Variants in KYNU observed in about 807,000 individuals in gnomAD.
KYNU encodes the protein kynureninase, also known as L-kynurenine hydrolase.
In KYNU, 54 loss-of-function variants were observed where a neutral mutation model predicts 59.2. The ratio of observed to expected loss-of-function variants is 0.91; its 90% CI spans 0.73 to 1.14. The LOEUF is 1.14. Ranked by LOEUF, KYNU falls within the 50% of genes most tolerant of loss-of-function variation. The pLI is 0.00. For missense variants in KYNU, 567 were observed against 554.4 expected, an observed-to-expected ratio of 1.02 and a Z score of -0.23; for synonymous variants, 177 against 192.0, an observed-to-expected ratio of 0.92 and a Z score of 0.65.
At chr2:142,970,870 C>T (rs1431231630) in intron 8 of KYNU, among the ~76,000 whole-genome samples, 1 of 152,112 alleles carries the variant, frequency 6.6e-6, no homozygotes, top group Non-Finnish European at 1.5e-5. Flanking sequence ...TTCCCTGTCT[C>T]AATGTCCTAC....
At chr2:142,927,342 T>A (rs748409794) in intron 3 of KYNU, among the ~76,000 whole-genome samples, 1 of 152,088 alleles carries the variant, frequency 6.6e-6, no homozygotes, top group Non-Finnish European at 1.5e-5. Flanking sequence ...AAAAGTAGTG[T>A]TCAAATAATC....
At chr2:142,949,875 C>T (rs1004815742) in intron 4 of KYNU, among the ~76,000 whole-genome samples, 3 of 152,164 alleles carry the variant, frequency 2.0e-5, no homozygotes, top group Admixed American at 6.5e-5. Context: ...AAATTTTCCA[C>T]ACTCTTATGC....
intron 10 of KYNU, among the ~76,000 whole-genome samples, chr2:143,007,771 C>T (rs1302816188): frequency 9.5e-6 from 1 of 105,072 alleles, no homozygotes; most frequent in Non-Finnish European, 1.9e-5. Context: ...TTAAAGAAAA[C>T]AATTTTCAAC....
At chr2:142,991,113 C>T (rs564546998) in intron 10 of KYNU, among the ~76,000 whole-genome samples, 4 of 151,948 alleles carry the variant, frequency 2.6e-5, no homozygotes, top group Non-Finnish European at 5.9e-5. Flanking sequence ...CTTGTCCCAA[C>T]TGTACAGTTA....
At chr2:142,901,677 A>C (rs920317606) in intron 2 of KYNU, among the ~76,000 whole-genome samples, 1 of 151,986 alleles carries the variant, frequency 6.6e-6, no homozygotes, top group African/African-American at 2.4e-5. Context: ...TTGAGTCTGT[A>C]TGTATATTTA....
At chr2:143,001,079 C>G (rs1021067684) in intron 10 of KYNU, among the ~76,000 whole-genome samples, 5 of 152,154 alleles carry the variant, frequency 3.3e-5, no homozygotes, top group African/African-American at 4.8e-5. Flanking sequence ...CTAGCTTTGA[C>G]TCTATTTTCC....
At chr2:142,974,061 A>G (rs1684818630) in intron 8 of KYNU, among the ~76,000 whole-genome samples, 1 of 152,232 alleles carries the variant, frequency 6.6e-6, no homozygotes, top group Non-Finnish European at 1.5e-5. Flanking sequence ...GAGAGCATTC[A>G]GATAGTTCAG....
chr2:142,944,927 A>G (rs1295379376), intron 4 of KYNU, among the ~76,000 whole-genome samples: 112 of 152,370 alleles, frequency 7.4e-4, no homozygotes, highest in South Asian at 2.1e-4. Context: ...ACTGTAGTCT[A>G]TTAAGTATGC....
intron 8 of KYNU, among the ~76,000 whole-genome samples, chr2:142,973,445 C>A (rs1327706055): frequency 6.6e-6 from 1 of 152,152 alleles, no homozygotes; most frequent in Non-Finnish European, 1.5e-5. Flanking sequence ...AATACACTGG[C>A]CCCTCCATAC....
At chr2:142,884,478 G>C (rs1347757280) in intron 1 of KYNU, among the ~76,000 whole-genome samples, 1 of 152,034 alleles carries the variant, frequency 6.6e-6, no homozygotes, top group Non-Finnish European at 1.5e-5. Context: ...CTTTGACAAA[G>C]ATCATCCTTA....
At chr2:143,021,632 C>T (rs375448596) in intron 10 of KYNU, among the ~76,000 whole-genome samples, 2 of 152,058 alleles carry the variant, frequency 1.3e-5, no homozygotes, top group East Asian at 3.9e-4. Context: ...GAATGAGATG[C>T]TACACGCTTT....
chr2:143,038,408 G>C (rs577109040), intron 12 of KYNU, among the ~76,000 whole-genome samples: 1 of 152,250 alleles, frequency 6.6e-6, no homozygotes, highest in South Asian at 2.1e-4. Flanking sequence ...AAACTTGGCA[G>C]TGTTCCCTTG....
rs965901485 is a variant in KYNU, at chr2:143,045,098, C to T, written c.*2926C>T. 1 of 152,102 alleles carries T rather than the reference C, an allele frequency of 6.6e-6. No individual in the cohort carries two copies. The highest frequency in any genetic ancestry group is 2.4e-5 in the African/African-American group (1 of 41,510). 9.4% of individuals were successfully genotyped at this position (152,102 alleles called of 1,614,324 possible). A position where few individuals can be genotyped will look rare whatever the true frequency, so the allele number is the denominator to read the frequency against. ...TATTTATTAAATAGGGAATCTTTTC[C>T]CCATTGCTTGTTTTTGTCAGGTTTA... On this transcript the variant is annotated 3_prime_UTR_variant, in exon 14 of 14. Transcript: ENST00000264170.
Position 143,055,288 on chromosome 2 carries a change from G to A in KYNU, c.*13116G>A, listed in dbSNP as rs1363597800. 2 of 152,138 alleles carry A rather than the reference G, an allele frequency of 1.3e-5. No homozygotes were observed. Among genetic ancestry groups the A allele is most frequent in the Non-Finnish European group, 2.9e-5 (2 of 68,030 alleles). The allele number at this position is 152,138 out of a possible 1,614,324, so 9.4% of individuals were successfully genotyped here. ...TGACGTTTCTTTCTGGAGGTTCCAG[G>A]GGGAACTCTGTTTTCTTACTTTTTT... On this transcript the variant is annotated 3_prime_UTR_variant, in exon 14 of 14. Coordinates refer to ENST00000264170, the MANE Select transcript of KYNU (RefSeq NM_003937.3).
intron 4 of KYNU, among the ~76,000 whole-genome samples, chr2:142,928,884 C>T (rs552994559): frequency 3.3e-5 from 5 of 151,188 alleles, no homozygotes; most frequent in Non-Finnish European, 4.4e-5. Context: ...CTGGCACACC[C>T]GTAGTCCCAG....
chr2:142,987,949 C>G (rs76071395), intron 10 of KYNU, among the ~76,000 whole-genome samples: 7,508 of 151,854 alleles, frequency 0.049, 597 homozygotes, highest in African/African-American at 0.17. Flanking sequence ...GAAAGATGTT[C>G]CTGCCTCCCC....
intron 10 of KYNU, among the ~76,000 whole-genome samples, chr2:143,004,170 A>C (rs1685797084): frequency 6.6e-6 from 1 of 152,238 alleles, no homozygotes; most frequent in Non-Finnish European, 1.5e-5. Context: ...TGAATACCAG[A>C]TATATTCAAG....
rs372439242 is a variant in KYNU, at chr2:142,936,891, C to T, written c.373+9150C>T. ...CCCCTCCCAGGTTTTGGCACCAGAA[C>T]GTAAAATTTTTGTATTGGTTTGAAA... On this transcript the variant is annotated intron_variant, in intron 4 of 13. Transcript: ENST00000264170. Among the ~76,000 whole-genome samples, 15 of 152,210 alleles carry T rather than the reference C, an allele frequency of 9.9e-5. No individual in the cohort carries two copies. The South Asian group carries it at 2.9e-3, about 30-fold the overall frequency.
chr2:142,978,763 T>C (rs1684967562), intron 8 of KYNU, among the ~76,000 whole-genome samples: 1 of 152,180 alleles, frequency 6.6e-6, no homozygotes, highest in Non-Finnish European at 1.5e-5. Context: ...CATCTATATA[T>C]CAGCCCCGGG....
Sources: gnomAD v4.1 joint callset for allele counts (sites outside exome capture counted in the v4.1 genomes callset) on GRCh38, gnomAD v4.1.1 for gene constraint, MANE v1.5 for transcripts, NCBI Gene and HGNC (gene_info 2026-07-23, HGNC 2026-07-21) for gene names.